TRIO: variants seen among roughly 807,000 people sequenced by gnomAD.
TRIO encodes the protein triple functional domain protein.
A neutral mutation model predicts 351.9 loss-of-function variants in TRIO; 58 were observed. The observed-to-expected ratio is 0.16, with a 90% CI of 0.13 to 0.21. TRIO has a LOEUF of 0.21. TRIO is among the 10% of genes least tolerant of loss of function. The probability of loss-of-function intolerance (pLI) is 1.00; values close to 1 mark genes in which losing one functional copy is unlikely to be tolerated. For synonymous variants in TRIO, 1,758 were observed against 1,595.7 expected (o/e 1.10, Z -2.42); for missense variants, 3,201 against 4,027.8 (o/e 0.79, Z 5.56).
At position 14,143,363 on chromosome 5, in the gene TRIO, C is replaced by A. The variant is rs2152110323; in HGVS notation, c.-363C>A. 6.6e-6 allele frequency among the ~76,000 whole-genome samples: 1 copy of A among 151,232 alleles called. No individual in the cohort carries two copies. Among genetic ancestry groups the A allele is most frequent in the African/African-American group, 2.4e-5 (1 of 41,380 alleles). On this transcript the variant is annotated 5_prime_UTR_variant, in exon 1 of 57. Transcript: ENST00000344204. ...CCCCATTGAAATCAAGATGGAGGCTCGCGGCAGCCGCCGGCGCCCGTGATC... is the reference window on the plus strand; with the variant it reads ...CCCCATTGAAATCAAGATGGAGGCTAGCGGCAGCCGCCGGCGCCCGTGATC...
In TRIO at chr5:14,284,562, C is replaced by T. The variant is rs570949965; in HGVS notation, c.348-2309C>T. Among the ~76,000 whole-genome samples the T allele has an allele frequency of 2.6e-5, 4 of 152,284 alleles. No individual in the cohort carries two copies. In the South Asian group the frequency reaches 8.3e-4, roughly 32 times the overall value. ...AATCCTTCTGTAAACTGTGCAAGCT[C>T]AGCGTAGCTTTTGGTTTTGTTGTTC... On this transcript the variant is annotated intron_variant, in intron 3 of 56. Transcript: ENST00000344204.
At chr5:14,172,416 C>T (rs1201869825) in intron 1 of TRIO, among the ~76,000 whole-genome samples, 1 of 152,236 alleles carries the variant, frequency 6.6e-6, no homozygotes, top group African/African-American at 2.4e-5. Context: ...ATCTCAGAAG[C>T]AGTGGCTCCT....
At chr5:14,397,397 G>A in intron 29 of TRIO, 1 of 409,482 alleles carries the variant, frequency 2.4e-6, no homozygotes, top group Non-Finnish European at 4.4e-6. Flanking sequence ...GACTCCAATA[G>A]CACTTTGTGT....
intron 2 of TRIO, among the ~76,000 whole-genome samples, chr5:14,275,546 C>T (rs1735415548): frequency 6.6e-6 from 1 of 151,234 alleles, no homozygotes; most frequent in East Asian, 1.9e-4. Context: ...TGTTTGCTTT[C>T]TCCACCCTGT....
At chr5:14,253,148 C>T (rs1329613047) in intron 1 of TRIO, among the ~76,000 whole-genome samples, 1 of 152,220 alleles carries the variant, frequency 6.6e-6, no homozygotes, top group Non-Finnish European at 1.5e-5. Flanking sequence ...TCAAAGAGGA[C>T]AGGAGTGCTG....
chr5:14,305,366 C>G (rs532063824), intron 8 of TRIO, among the ~76,000 whole-genome samples: 1 of 152,316 alleles, frequency 6.6e-6, no homozygotes, highest in African/African-American at 2.4e-5. Flanking sequence ...GCCCTTGAGA[C>G]CAGCCTACCT....
intron 4 of TRIO, among the ~76,000 whole-genome samples, chr5:14,289,569 C>T (rs557079705): frequency 2.0e-4 from 30 of 151,792 alleles, no homozygotes; most frequent in African/African-American, 2.2e-4. Context: ...AAAAAAAGGT[C>T]GTGTGCGATG....
chr5:14,222,386 G>A (rs1792696673), intron 1 of TRIO, among the ~76,000 whole-genome samples: 1 of 152,068 alleles, frequency 6.6e-6, no homozygotes, highest in Admixed American at 6.5e-5. Flanking sequence ...TCTTAATGTG[G>A]GTTAAGGTCA....
chr5:14,345,014 A>G lies in TRIO; in HGVS notation c.2046+8287A>G, dbSNP rs116924760. ...TTTTTTTTCCTCCAAATAAACATGT[A>G]TAAAGCATTTGTACTGGCCAGTGGG... is the stretch of plus-strand genomic sequence containing the variant. On this transcript the variant is annotated intron_variant, in intron 11 of 56. Transcript: ENST00000344204. 2.6e-5 allele frequency among the ~76,000 whole-genome samples: 4 copies of G among 152,342 alleles called. No individual in the cohort carries two copies. In the East Asian group the frequency reaches 7.7e-4, roughly 29 times the overall value.
intron 13 of TRIO, among the ~76,000 whole-genome samples, chr5:14,360,389 A>G (rs1485410057): frequency 6.6e-6 from 1 of 152,156 alleles, no homozygotes; most frequent in East Asian, 1.9e-4. Flanking sequence ...TAAGGAGCCT[A>G]AGCTCCCCTC....
chr5:14,434,674 A>G (rs1187239454), intron 34 of TRIO, among the ~76,000 whole-genome samples: 1 of 152,148 alleles, frequency 6.6e-6, no homozygotes, highest in Non-Finnish European at 1.5e-5. Context: ...CTTATCCTGG[A>G]TTTTGCTTTC....
In TRIO at chr5:14,508,520, G is replaced by T. The variant is rs561547660; in HGVS notation, c.*98G>T. On this transcript the variant is annotated 3_prime_UTR_variant, in exon 57 of 57. Transcript: ENST00000344204. Reference sequence around the variant, plus strand: ...AAGCAAACATAACTGATCAGCTGCCGGTATGTTCATCGTGTGAAATTGCAT... The same window carrying T: ...AAGCAAACATAACTGATCAGCTGCCTGTATGTTCATCGTGTGAAATTGCAT... 1.4e-6 allele frequency: 2 copies of T among 1,425,162 alleles called. No homozygotes were observed. The highest frequency in any genetic ancestry group is 9.5e-7 in the Non-Finnish European group (1 of 1,052,396). The allele number at this position is 1,425,162 out of a possible 1,614,324, so 88.3% of individuals were successfully genotyped here. A position where few individuals can be genotyped will look rare whatever the true frequency, so the allele number is the denominator to read the frequency against.
chr5:14,505,215 TA>T (rs758962926), intron 55 of TRIO, among the ~76,000 whole-genome samples: 1 of 152,252 alleles, frequency 6.6e-6, no homozygotes, highest in Non-Finnish European at 1.5e-5. Context: ...GGTTCTCATC[TA>T]GGGGTGGGTT....
intron 1 of TRIO, among the ~76,000 whole-genome samples, chr5:14,233,678 C>T (rs756118435): frequency 6.6e-5 from 10 of 152,072 alleles, no homozygotes; most frequent in Admixed American, 1.3e-4. Context: ...CATGGGATTC[C>T]GGGCATGCAC....
At chr5:14,359,107 A>T (rs1743895852) in intron 12 of TRIO, among the ~76,000 whole-genome samples, 1 of 152,240 alleles carries the variant, frequency 6.6e-6, no homozygotes, top group South Asian at 2.1e-4. Flanking sequence ...TTCTATAATT[A>T]TTAGCCTTCT....
chr5:14,446,427 G>A (rs1039757368), intron 34 of TRIO, among the ~76,000 whole-genome samples: 2 of 152,162 alleles, frequency 1.3e-5, no homozygotes, highest in South Asian at 4.1e-4. Flanking sequence ...GTGGGAGACA[G>A]CTCTCAATAA....
intron 20 of TRIO, among the ~76,000 whole-genome samples, chr5:14,380,435 T>C (rs927786985): frequency 5.3e-5 from 8 of 152,164 alleles, no homozygotes; most frequent in African/African-American, 1.9e-4. Context: ...CCCATCCCGC[T>C]TCCCACTGCT....
Position 14,440,684 on chromosome 5 carries a change from T to C in TRIO, c.5204-20335T>C, listed in dbSNP as rs185630497. On this transcript the variant is annotated intron_variant, in intron 34 of 56. Coordinates refer to ENST00000344204, the MANE Select transcript of TRIO (RefSeq NM_007118.4). ...CACAGTGATGTAACCAGTTGGCTAT[T>C]AGGCCGCATTACATTTCTTTTTTTT... 2.0e-5 allele frequency: 3 copies of C among 152,324 alleles called. No homozygotes were observed. In the East Asian group the frequency reaches 5.8e-4, roughly 29 times the overall value. The allele number at this position is 152,324 out of a possible 1,614,324, so 9.4% of individuals were successfully genotyped here. A position where few individuals can be genotyped will look rare whatever the true frequency, so the allele number is the denominator to read the frequency against.
rs148196343 is a variant in TRIO at position 14,498,581 on chromosome 5, C to T, written c.8273C>T (p.Thr2758Met). The change falls in exon 53 of 57, where the codon ACG becomes ATG. Residue 2758 changes from threonine (T) to methionine (M), a missense_variant. By Grantham distance (81) the Thr-to-Met change is moderately conservative. Around this residue, in one of 19 missense-constraint regions of TRIO, gnomAD observed 1,089 missense variants for 954.9 expected, o/e 1.14. Coordinates refer to ENST00000344204, the MANE Select transcript of TRIO (RefSeq NM_007118.4). Reference protein sequence around the residue: ...GVTTEDDGIYTCIAVNDMGSA... With the variant: ...GVTTEDDGIYMCIAVNDMGSA... ...ACCACGGAAGATGACGGCATCTACA[C>T]GTGCATCGCTGTCAATGACATGGGT... 2.8e-5 allele frequency: 46 copies of T among 1,614,224 alleles called. No homozygotes were observed. In the African/African-American group the frequency reaches 4.4e-4, roughly 15 times the overall value.
Sources: allele counts gnomAD v4.1 joint callset (sites outside exome capture counted in the v4.1 genomes callset), GRCh38; gene constraint gnomAD v4.1.1; regional missense constraint gnomAD v4.1.1; transcripts MANE v1.5; gene names NCBI Gene and HGNC (gene_info 2026-07-23, HGNC 2026-07-21).